Variants in LRP12 observed in about 807,000 individuals in gnomAD.
LRP12 encodes the protein LDL receptor related protein 12, also known as low-density lipoprotein receptor-related protein 12.
LRP12 carries 14 observed loss-of-function variants against 66.0 expected under a neutral mutation model. The observed-to-expected ratio is 0.21, with a 90% CI of 0.14 to 0.33. The LOEUF is 0.33. Ranked by LOEUF, LRP12 falls within the 10% of genes least tolerant of loss-of-function variation. The pLI is 1.00. For synonymous variants in LRP12, 357 were observed against 359.1 expected, an observed-to-expected ratio of 0.99 and a Z score of 0.07; for missense variants, 889 against 1,053.4, an observed-to-expected ratio of 0.84 and a Z score of 2.16.
chr8:104,519,167 G>A (rs1464565191), intron 2 of LRP12, among the ~76,000 whole-genome samples: 1 of 151,944 alleles, frequency 6.6e-6, no homozygotes, highest in Non-Finnish European at 1.5e-5. Context: ...ATAGTGTCCT[G>A]ATTTCTCTGA....
chr8:104,511,041 T>C (rs1810987428), intron 2 of LRP12, among the ~76,000 whole-genome samples: 1 of 130,966 alleles, frequency 7.6e-6, no homozygotes, highest in African/African-American at 3.0e-5. Flanking sequence ...TTTTTTTTTT[T>C]TTTTTTTTTT....
rs116790457 is a variant in LRP12, at chr8:104,492,702, T to C, written c.1714-1163A>G. Among the ~76,000 whole-genome samples, 556 of 152,262 alleles carry C rather than the reference T, an allele frequency of 3.7e-3. 7 individuals are homozygous for C. The highest frequency in any genetic ancestry group is 0.012 in the African/African-American group (510 of 41,556). On this transcript the variant is annotated intron_variant, in intron 6 of 6. Coordinates refer to ENST00000276654, the MANE Select transcript of LRP12 (RefSeq NM_013437.5). ...ATAGTGCCATGAACATAATTTATGA[T>C]AAGAAGCTACTATCATAGGAACATT...
chr8:104,515,225 G>C (rs1228613037), intron 2 of LRP12, among the ~76,000 whole-genome samples: 1 of 152,058 alleles, frequency 6.6e-6, no homozygotes, highest in Non-Finnish European at 1.5e-5. Context: ...ACCTTCTTTT[G>C]CTTACATTCA....
At chr8:104,548,687 A>C (rs772964658) in intron 1 of LRP12, among the ~76,000 whole-genome samples, 6 of 86,080 alleles carry the variant, frequency 7.0e-5, no homozygotes, top group Non-Finnish European at 1.5e-4. Flanking sequence ...GCAGTGGCTC[A>C]CGCCTGTAAT....
At position 104,552,568 on chromosome 8, in the gene LRP12, G is replaced by T. The variant is rs1009307051; in HGVS notation, c.80-20605C>A. On this transcript the variant is annotated intron_variant, in intron 1 of 6. Coordinates refer to ENST00000276654, the MANE Select transcript of LRP12 (RefSeq NM_013437.5). ...TAACTTTTCACTTACTTCTACTTAA[G>T]TCATCTCATAGCTTACCTACTCTTT... Among the ~76,000 whole-genome samples the T allele has an allele frequency of 3.3e-5, 5 of 151,912 alleles. 1 individual carries two copies. Among genetic ancestry groups the T allele is most frequent in the Admixed American group, 3.3e-4 (5 of 15,256 alleles).
intron 1 of LRP12, among the ~76,000 whole-genome samples, chr8:104,543,791 G>A (rs534296727): frequency 2.0e-5 from 3 of 152,130 alleles, no homozygotes; most frequent in African/African-American, 7.2e-5. Flanking sequence ...GCGTGGTGGC[G>A]CATGCCTGTA....
intron 1 of LRP12, among the ~76,000 whole-genome samples, chr8:104,560,037 C>A (rs553543081): frequency 4.3e-4 from 66 of 152,212 alleles, no homozygotes; most frequent in African/African-American, 1.5e-3. Flanking sequence ...CTAAGACATA[C>A]AACTAATATA....
intron 2 of LRP12, among the ~76,000 whole-genome samples, chr8:104,513,849 G>T (rs1249975859): frequency 1.3e-5 from 2 of 152,066 alleles, no homozygotes; most frequent in East Asian, 3.9e-4. Flanking sequence ...TTTCAACTAT[G>T]GTCATGAGTT....
chr8:104,559,392 G>A (rs6468936), intron 1 of LRP12, among the ~76,000 whole-genome samples: 4,656 of 152,158 alleles, frequency 0.031, 239 homozygotes, highest in African/African-American at 0.11. Context: ...ATTCATAAAT[G>A]GGAGCTAAGC....
At chr8:104,495,467 T>C (rs892898721) in intron 5 of LRP12, 6 of 344,116 alleles carry the variant, frequency 1.7e-5, no homozygotes, top group Admixed American at 8.7e-5. Flanking sequence ...AAAATCCCTG[T>C]AAAAGGTAAA....
chr8:104,574,008 T>A (rs1812122338), intron 1 of LRP12, among the ~76,000 whole-genome samples: 1 of 152,172 alleles, frequency 6.6e-6, no homozygotes, highest in African/African-American at 2.4e-5. Context: ...ACATTAGGAA[T>A]CACATAAATG....
At chr8:104,514,046 A>C (rs1390572743) in intron 2 of LRP12, among the ~76,000 whole-genome samples, 1 of 152,184 alleles carries the variant, frequency 6.6e-6, no homozygotes, top group Non-Finnish European at 1.5e-5. Context: ...AAATTGAAGA[A>C]TACTACAGGC....
intron 1 of LRP12, among the ~76,000 whole-genome samples, chr8:104,549,640 G>C (rs956093544): frequency 2.0e-5 from 3 of 152,062 alleles, no homozygotes; most frequent in Non-Finnish European, 4.4e-5. Flanking sequence ...CTGACCTCAT[G>C]ATCCGCCCGC....
intron 3 of LRP12, among the ~76,000 whole-genome samples, chr8:104,500,688 G>A (rs1196943952): frequency 6.6e-6 from 1 of 152,234 alleles, no homozygotes; most frequent in African/African-American, 2.4e-5. Flanking sequence ...GGGCAACAGA[G>A]TGAGACTCCG....
At chr8:104,525,477 G>A (rs1425796150) in intron 2 of LRP12, among the ~76,000 whole-genome samples, 2 of 151,916 alleles carry the variant, frequency 1.3e-5, no homozygotes, top group African/African-American at 4.8e-5. Flanking sequence ...CCAAGTACAA[G>A]AACCAAAAAT....
chr8:104,547,580 AT>A (rs1442272368), intron 1 of LRP12, among the ~76,000 whole-genome samples: 2 of 122,710 alleles, frequency 1.6e-5, no homozygotes, highest in Non-Finnish European at 1.6e-5. Context: ...ATTATTATAT[AT>A]TAATATATAA....
At chr8:104,505,461 G>A (rs1355932334) in intron 3 of LRP12, 8 of 137,148 alleles carry the variant, frequency 5.8e-5, no homozygotes, top group African/African-American at 2.2e-4. Context: ...CTGGAGCACA[G>A]TGGCATGATC....
rs1811781631 is a variant in LRP12 at position 104,554,891 on chromosome 8, TATAA to T, written c.80-22932_80-22929del. On this transcript the variant is annotated intron_variant, in intron 1 of 6. Coordinates refer to ENST00000276654, the MANE Select transcript of LRP12 (RefSeq NM_013437.5). The stretch of plus-strand genomic sequence containing the variant: ...TGTGAGGCAAAAGCATCAGGTAACC[TATAA>T]AGTAAAACCTATCAGATTAACAGCA... 2.6e-5 allele frequency among the ~76,000 whole-genome samples: 4 copies of T among 152,166 alleles called. No individual in the cohort carries two copies. The South Asian group carries it at 8.3e-4, about 31-fold the overall frequency.
chr8:104,490,016 G>A lies in LRP12; in HGVS notation c.*657C>T, dbSNP rs1274672069. On this transcript the variant is annotated 3_prime_UTR_variant, in exon 7 of 7. Transcript: ENST00000276654. ...ACCATTTGGTTTGTACCATGTTAGAGTATTAAAGTCAACATTAGAAAATCT... is the reference window on the plus strand; with the variant it reads ...ACCATTTGGTTTGTACCATGTTAGAATATTAAAGTCAACATTAGAAAATCT... 6.6e-6 allele frequency: 1 copy of A among 152,620 alleles called. No individual in the cohort carries two copies. Among genetic ancestry groups the A allele is most frequent in the Admixed American group, 6.5e-5 (1 of 15,284 alleles). The allele number at this position is 152,620 out of a possible 1,614,324, so 9.5% of individuals were successfully genotyped here.
Sources: allele counts gnomAD v4.1 joint callset (sites outside exome capture counted in the v4.1 genomes callset), GRCh38; gene constraint gnomAD v4.1.1; transcripts MANE v1.5; gene names NCBI Gene and HGNC (gene_info 2026-07-23, HGNC 2026-07-21).